Variants in U2SURP observed in about 807,000 individuals in gnomAD.
U2SURP encodes the protein U2 snRNP-associated SURP motif-containing protein.
U2SURP carries 9 observed loss-of-function variants against 144.9 expected under a neutral mutation model. The ratio of observed to expected loss-of-function variants is 0.06; its 90% CI spans 0.04 to 0.11. The LOEUF (loss-of-function observed/expected upper bound fraction) is 0.11, where lower values mean the gene tolerates loss of function less well. Among genes scored for constraint, U2SURP ranks in the 10% least tolerant of loss-of-function variants. U2SURP has a pLI of 1.00. For missense variants in U2SURP, 724 were observed against 1,226.7 expected, an observed-to-expected ratio of 0.59 and a Z score of 6.12; for synonymous variants, 408 against 396.8, an observed-to-expected ratio of 1.03 and a Z score of -0.33.
chr3:143,013,141 G>T (rs891232674), intron 3 of U2SURP, among the ~76,000 whole-genome samples: 1 of 151,764 alleles, frequency 6.6e-6, no homozygotes, highest in African/African-American at 2.4e-5. Flanking sequence ...AGTTTCCTTT[G>T]CCACATCTCT....
Position 143,022,858 on chromosome 3 carries a change from A to G in U2SURP, c.1024A>G (p.Met342Val). 6.4e-7 allele frequency: 1 copy of G among 1,561,108 alleles called. No individual in the cohort carries two copies. The highest frequency in any genetic ancestry group is 8.6e-7 in the Non-Finnish European group (1 of 1,156,940). The part of the protein sequence containing the change: ...ERALKNLNGK[M>V]IMSFEMKLGW... ...CTTTCATTTCTTTCTTGTAGGAAAA[A>G]TGATTATGTCTTTTGAAATGAAGTT... is the stretch of plus-strand genomic sequence containing the variant. Residue 342 changes from methionine to valine, a missense_variant, in exon 12 of 28, where the codon ATG becomes GTG. By Grantham distance (21) the Met-to-Val change is conservative. Transcript: ENST00000473835.
At chr3:143,040,531 T>G (rs951033845) in intron 23 of U2SURP, among the ~76,000 whole-genome samples, 3 of 151,884 alleles carry the variant, frequency 2.0e-5, no homozygotes, top group Non-Finnish European at 4.4e-5. Context: ...TTTGTGGCAA[T>G]ATTGTGATTC....
Position 143,059,780 on chromosome 3 carries a change from T to A in U2SURP, c.*3330T>A, listed in dbSNP as rs1935301470. ...AGTGAAAAGCCTAATTACAGAAAAT[T>A]GTGCAGATACTAGTGAAGATACTAG... On this transcript the variant is annotated 3_prime_UTR_variant, in exon 28 of 28. Transcript: ENST00000473835. 6.6e-6 allele frequency: 1 copy of A among 152,046 alleles called. No individual in the cohort carries two copies. Among genetic ancestry groups the A allele is most frequent in the Admixed American group, 6.6e-5 (1 of 15,232 alleles). 9.4% of individuals were successfully genotyped at this position (152,046 alleles called of 1,614,324 possible). A position where few individuals can be genotyped will look rare whatever the true frequency, so the allele number is the denominator to read the frequency against.
chr3:143,002,142 T>A (rs541686979), intron 1 of U2SURP: 8 of 219,314 alleles, frequency 3.6e-5, no homozygotes, highest in African/African-American at 1.9e-4. Flanking sequence ...ACCTCTAGGG[T>A]CGCCAGCTGT....
intron 8 of U2SURP, 76 bp downstream of exon 8, chr3:143,020,769 T>C: frequency 8.8e-7 from 1 of 1,130,914 alleles, no homozygotes; most frequent in South Asian, 1.3e-5. Flanking sequence ...GCGGGTTACA[T>C]TCCAAGGATC....
At chr3:143,017,027 G>A in intron 6 of U2SURP, 52 bp downstream of exon 6, 1 of 1,502,138 alleles carries the variant, frequency 6.7e-7, no homozygotes, top group South Asian at 1.4e-5. Flanking sequence ...GACACTGCCA[G>A]TGATACTTCC....
At chr3:143,004,362 T>G (rs1298282804) in intron 1 of U2SURP, among the ~76,000 whole-genome samples, 1 of 61,980 alleles carries the variant, frequency 1.6e-5, no homozygotes, top group African/African-American at 1.4e-4. Context: ...TGTTTTTTTT[T>G]TTTTTTTTTT....
At chr3:143,010,965 G>T in intron 2 of U2SURP, 106 bp downstream of exon 2, 3 of 805,114 alleles carry the variant, frequency 3.7e-6, no homozygotes, top group Non-Finnish European at 5.4e-6. Context: ...ACAATTGTAT[G>T]TGCTTTTTTC....
chr3:143,030,910 A>C (rs1267890241), intron 16 of U2SURP, among the ~76,000 whole-genome samples: 2 of 152,162 alleles, frequency 1.3e-5, no homozygotes, highest in East Asian at 1.9e-4. Flanking sequence ...AAATCTTAAA[A>C]ATCCGTTTCA....
chr3:143,056,294 T>G lies in U2SURP; in HGVS notation c.2952-18T>G. Reference sequence around the variant, plus strand: ...ATGAGTACTTTATCAATTGGGATTTTTTTGTTTGTTTCCTTAGATCACCAT... The same window carrying G: ...ATGAGTACTTTATCAATTGGGATTTGTTTGTTTGTTTCCTTAGATCACCAT... On this transcript the variant is annotated intron_variant, in intron 27 of 27. Coordinates refer to ENST00000473835, the MANE Select transcript of U2SURP (RefSeq NM_001080415.2). The G allele has an allele frequency of 1.3e-6, 2 of 1,585,476 alleles. No individual in the cohort carries two copies. Among genetic ancestry groups the G allele is most frequent in the Non-Finnish European group, 1.7e-6 (2 of 1,165,038 alleles).
At chr3:143,043,322 C>CT in intron 24 of U2SURP, 46 bp downstream of exon 24, 2 of 1,535,020 alleles carry the variant, frequency 1.3e-6, no homozygotes, top group Non-Finnish European at 1.8e-6. Flanking sequence ...TGGCTTTTCA[C>CT]TTTCTCCACC....
At chr3:143,046,241 ATGT>A (rs1934430001) in intron 24 of U2SURP, among the ~76,000 whole-genome samples, 2 of 122,692 alleles carry the variant, frequency 1.6e-5, no homozygotes, top group South Asian at 2.8e-4. Context: ...TACCTATATG[ATGT>A]TGTGGTGGCC....
intron 1 of U2SURP, among the ~76,000 whole-genome samples, chr3:143,004,028 A>G (rs1429206279): frequency 6.6e-6 from 1 of 152,138 alleles, no homozygotes; most frequent in Non-Finnish European, 1.5e-5. Flanking sequence ...ATAATTTATT[A>G]GAGAAATTGT....
At chr3:143,039,061 C>G (rs1933960292) in intron 23 of U2SURP, 101 bp downstream of exon 23, 1 of 859,926 alleles carries the variant, frequency 1.2e-6, no homozygotes, top group South Asian at 2.6e-5. Flanking sequence ...AAACTTCACT[C>G]TTAAAAAATT....
intron 1 of U2SURP, among the ~76,000 whole-genome samples, chr3:143,005,552 C>G (rs1360093103): frequency 6.6e-6 from 1 of 152,158 alleles, no homozygotes; most frequent in Non-Finnish European, 1.5e-5. Flanking sequence ...GAAGGTAGAA[C>G]TGAACTTCCT....
At chr3:143,024,698 A>G in intron 13 of U2SURP, 1 of 209,940 alleles carries the variant, frequency 4.8e-6, no homozygotes, top group Non-Finnish European at 9.9e-6. Flanking sequence ...TGAATAATAA[A>G]TGAACACAAA....
intron 24 of U2SURP, among the ~76,000 whole-genome samples, chr3:143,044,306 T>TTTTTTTTTTTTTTA (rs1934291403): frequency 7.5e-6 from 1 of 132,714 alleles, no homozygotes; most frequent in Admixed American, 7.7e-5. Context: ...TTTTTTTTTT[T>TTTTTTTTTTTTTTA]GAGACGGGGT....
chr3:143,033,025 C>T, intron 17 of U2SURP, 79 bp downstream of exon 17: 2 of 1,468,524 alleles, frequency 1.4e-6, no homozygotes, highest in South Asian at 1.3e-5. Flanking sequence ...TTGCACAAAG[C>T]ACTTGACTGA....
Position 143,014,316 on chromosome 3 carries a change from T to C in U2SURP, c.228T>C (p.Leu76=). The change falls in exon 4 of 28, where the codon CTT becomes CTC. Residue 76 remains leucine (L), a synonymous_variant. Coordinates refer to ENST00000473835, the MANE Select transcript of U2SURP (RefSeq NM_001080415.2). The part of the protein sequence containing the change: ...DSPHQNLSRP[L]LENKLKAFSI... ...GTATGCTTTTTATTTCTTAGCCTCT[T>C]CTGGAAAACAAACTTAAAGCATTCA... is the stretch of plus-strand genomic sequence containing the variant. The C allele has an allele frequency of 6.3e-7, 1 of 1,597,734 alleles. No homozygotes were observed. The highest frequency in any genetic ancestry group is 8.5e-7 in the Non-Finnish European group (1 of 1,172,164).
Sources: gnomAD v4.1 joint callset for allele counts (sites outside exome capture counted in the v4.1 genomes callset) on GRCh38, gnomAD v4.1.1 for gene constraint, MANE v1.5 for transcripts, NCBI Gene and HGNC (gene_info 2026-07-23, HGNC 2026-07-21) for gene names.